Variants in GRAP2 observed in about 807,000 individuals in gnomAD.
The protein encoded by GRAP2 is GRB2 related adaptor protein 2.
A neutral mutation model predicts 43.5 loss-of-function variants in GRAP2; 31 were observed. The ratio of observed to expected loss-of-function variants is 0.71; its 90% CI spans 0.54 to 0.96. The LOEUF (loss-of-function observed/expected upper bound fraction) is 0.96. GRAP2 is among the 40% of genes least tolerant of loss of function. The pLI, the probability that GRAP2 is intolerant of heterozygous loss-of-function variation, is 0.00. For synonymous variants in GRAP2, 156 were observed against 164.8 expected (o/e 0.95, Z 0.41); for missense variants, 371 against 424.4 (o/e 0.87, Z 1.11).
rs371585293 is a variant in GRAP2, at chr22:39,935,399, A to G, written c.-14-11694A>G. Among the ~76,000 whole-genome samples, 4 of 152,280 alleles carry G rather than the reference A, an allele frequency of 2.6e-5. No individual in the cohort carries two copies. The South Asian group carries it at 6.2e-4, about 24-fold the overall frequency. ...GGGCCACTTCCAACTTTGAGAATCTAGGATAGGGGCACTATTTAATCAAAA... is the reference window on the plus strand; with the variant it reads ...GGGCCACTTCCAACTTTGAGAATCTGGGATAGGGGCACTATTTAATCAAAA... On this transcript the variant is annotated intron_variant, in intron 1 of 7. Transcript: ENST00000344138.
At chr22:39,926,309 A>G (rs2066697237) in intron 1 of GRAP2, among the ~76,000 whole-genome samples, 1 of 152,196 alleles carries the variant, frequency 6.6e-6, no homozygotes, top group Non-Finnish European at 1.5e-5. Context: ...TCAAGCTCCA[A>G]ATTATGCATG....
chr22:39,943,316 A>AT (rs1208490302), intron 1 of GRAP2, among the ~76,000 whole-genome samples: 2 of 152,164 alleles, frequency 1.3e-5, no homozygotes, highest in African/African-American at 2.4e-5. Context: ...ATTTTTTAAG[A>AT]TTTTTTTGGT....
At chr22:39,966,192 G>T in intron 5 of GRAP2, 34 bp downstream of exon 5, 2 of 1,583,116 alleles carry the variant, frequency 1.3e-6, no homozygotes, top group South Asian at 1.1e-5. Context: ...CCAATCTAGA[G>T]ATTTTAGGCA....
At chr22:39,917,376 C>T (rs761493088) in intron 1 of GRAP2, among the ~76,000 whole-genome samples, 2 of 152,178 alleles carry the variant, frequency 1.3e-5, no homozygotes, top group African/African-American at 2.4e-5. Flanking sequence ...ACTAACAACA[C>T]GCCTCTCCCC....
intron 4 of GRAP2, among the ~76,000 whole-genome samples, chr22:39,963,377 A>G (rs2067138548): frequency 6.6e-6 from 1 of 152,170 alleles, no homozygotes; most frequent in Admixed American, 6.5e-5. Flanking sequence ...ACAGCTTATG[A>G]GAGTAAAAGG....
chr22:39,968,394 A>C, intron 6 of GRAP2, 122 bp downstream of exon 6: 28 of 1,073,776 alleles, frequency 2.6e-5, no homozygotes, highest in Non-Finnish European at 3.4e-5. Flanking sequence ...ACCCCCCCAA[A>C]TGGCAGAAAT....
At chr22:39,905,652 G>T (rs753859788) in intron 1 of GRAP2, among the ~76,000 whole-genome samples, 1 of 152,100 alleles carries the variant, frequency 6.6e-6, no homozygotes, top group Admixed American at 6.5e-5. Context: ...GTACTAACTC[G>T]TCTACTTCTT....
chr22:39,907,289 T>C (rs1004595664), intron 1 of GRAP2, among the ~76,000 whole-genome samples: 2 of 152,050 alleles, frequency 1.3e-5, no homozygotes, highest in Admixed American at 1.3e-4. Context: ...CTCTCCCCAA[T>C]GGGGAAAAAA....
At position 39,910,205 on chromosome 22, in the gene GRAP2, A is replaced by G. The variant is rs548583541; in HGVS notation, c.-15+8875A>G. ...GACTCAGAACGGAGCAACGCTCTCC[A>G]GGAGTGATCTGAGGATGCAGAACAC... On this transcript the variant is annotated intron_variant, in intron 1 of 7. Coordinates refer to ENST00000344138, the MANE Select transcript of GRAP2 (RefSeq NM_004810.4). Among the ~76,000 whole-genome samples the G allele has an allele frequency of 2.6e-5, 4 of 152,248 alleles. No homozygotes were observed. In the South Asian group the frequency reaches 8.3e-4, roughly 32 times the overall value.
At chr22:39,946,810 A>G in intron 1 of GRAP2, 1 of 332,712 alleles carries the variant, frequency 3.0e-6, no homozygotes, top group South Asian at 4.2e-5. Flanking sequence ...AAGTGGTGTC[A>G]GGCCAGGATG....
At chr22:39,935,383 C>G (rs2066796633) in intron 1 of GRAP2, among the ~76,000 whole-genome samples, 1 of 152,180 alleles carries the variant, frequency 6.6e-6, no homozygotes, top group South Asian at 2.1e-4. Flanking sequence ...TGGGCCACTT[C>G]CAACTTTGAG....
At chr22:39,945,710 A>ACT (rs1235593114) in intron 1 of GRAP2, among the ~76,000 whole-genome samples, 1 of 152,240 alleles carries the variant, frequency 6.6e-6, no homozygotes, top group Non-Finnish European at 1.5e-5. Context: ...TTCAATGAGA[A>ACT]AAGTTCATAG....
At chr22:39,946,795 C>A in intron 1 of GRAP2, 1 of 310,910 alleles carries the variant, frequency 3.2e-6, no homozygotes, top group Non-Finnish European at 6.1e-6. Context: ...CAGAGATGCC[C>A]CCAAAAGTGG....
At chr22:39,926,527 A>G (rs910010528) in intron 1 of GRAP2, 7 of 834,020 alleles carry the variant, frequency 8.4e-6, no homozygotes, top group Non-Finnish European at 1.0e-5. Flanking sequence ...GCAAAAGAAC[A>G]AAAGAACCTT....
chr22:39,952,019 G>GT (rs397946166), intron 2 of GRAP2, among the ~76,000 whole-genome samples: 1,851 of 138,146 alleles, frequency 0.013, 26 homozygotes, highest in African/African-American at 0.025. Flanking sequence ...AAAGTGTGTG[G>GT]TTTTTTTTTT....
intron 3 of GRAP2, among the ~76,000 whole-genome samples, chr22:39,957,429 C>G (rs1022852995): frequency 1.3e-5 from 2 of 152,204 alleles, no homozygotes; most frequent in African/African-American, 2.4e-5. Context: ...CCCCCTCCCC[C>G]ACCGCATCCA....
intron 1 of GRAP2, among the ~76,000 whole-genome samples, chr22:39,920,943 G>GACACACACAC (rs137974): frequency 6.2e-4 from 89 of 142,580 alleles, no homozygotes; most frequent in Admixed American, 9.9e-4. Context: ...TCTCTACACA[G>GACACACACAC]ACACACACAC....
chr22:39,939,356 A>G (rs1453608514), intron 1 of GRAP2, among the ~76,000 whole-genome samples: 1 of 152,066 alleles, frequency 6.6e-6, no homozygotes, highest in Non-Finnish European at 1.5e-5. Context: ...AGGTCAGGAG[A>G]TCGAGACCAT....
rs1185279306 is a variant in GRAP2, at chr22:39,926,731, A to G, written c.-14-20362A>G. The G allele has an allele frequency of 3.0e-6, 3 of 985,284 alleles. No individual in the cohort carries two copies. The African/African-American group carries it at 5.2e-5, about 17-fold the overall frequency. 61.0% of individuals were successfully genotyped at this position (985,284 alleles called of 1,614,324 possible). On this transcript the variant is annotated intron_variant, in intron 1 of 7. Transcript: ENST00000344138. ...GTTTTTTTTCCACTGGAAATTGTTAATGGGGACTGCATTAGCGGCCCCTTA... is the reference window on the plus strand; with the variant it reads ...GTTTTTTTTCCACTGGAAATTGTTAGTGGGGACTGCATTAGCGGCCCCTTA...
Sources: gnomAD v4.1 joint callset for allele counts (sites outside exome capture counted in the v4.1 genomes callset) on GRCh38, gnomAD v4.1.1 for gene constraint, MANE v1.5 for transcripts, NCBI Gene and HGNC (gene_info 2026-07-23, HGNC 2026-07-21) for gene names.